Variants in SGMS2 observed in about 807,000 individuals in gnomAD.
SGMS2 encodes the protein sphingomyelin synthase 2.
A neutral mutation model predicts 43.8 loss-of-function variants in SGMS2; 21 were observed. The observed-to-expected ratio is 0.48, with a 90% CI of 0.34 to 0.69. SGMS2 has a LOEUF of 0.69. Among genes scored for constraint, SGMS2 ranks in the 30% least tolerant of loss-of-function variants. The pLI, the probability that SGMS2 is intolerant of heterozygous loss-of-function variation, is 0.01. For synonymous variants in SGMS2, 167 were observed against 160.6 expected (o/e 1.04, Z -0.30); for missense variants, 384 against 443.2 (o/e 0.87, Z 1.20).
rs1731265156 is a variant in SGMS2, at chr4:107,903,144, T to G, written c.574-89T>G. On this transcript the variant is annotated intron_variant, in intron 4 of 6. Transcript: ENST00000690982. ...TAAAAAGAAAAAAAAAATCACAACC[T>G]GGTGTCCTTTCTAAGAGTCACACAA... The G allele has an allele frequency of 2.4e-6, 3 of 1,269,334 alleles. No individual in the cohort carries two copies. The Admixed American group carries it at 5.1e-5, about 22-fold the overall frequency. The allele number at this position is 1,269,334 out of a possible 1,614,324, so 78.6% of individuals were successfully genotyped here.
In SGMS2 at chr4:107,881,927, T is replaced by C. The variant is rs375228875; in HGVS notation, c.-244-13383T>C. The stretch of plus-strand genomic sequence containing the variant: ...ATAATGTTTTCCAGTTCCATCCATA[T>C]TGCAAATGATGACATCCTATTCTTT... On this transcript the variant is annotated intron_variant, in intron 2 of 6. Coordinates refer to ENST00000690982, the MANE Select transcript of SGMS2 (RefSeq NM_001375905.1). Among the ~76,000 whole-genome samples, 9 of 152,334 alleles carry C rather than the reference T, an allele frequency of 5.9e-5. No individual in the cohort carries two copies. The South Asian group carries it at 1.9e-3, about 32-fold the overall frequency.
At chr4:107,873,498 A>G (rs1479596017) in intron 2 of SGMS2, 1 of 152,100 alleles carries the variant, frequency 6.6e-6, no homozygotes, top group East Asian at 1.9e-4. Flanking sequence ...AAACTGACTT[A>G]ATGTGCAAAG....
intron 1 of SGMS2, among the ~76,000 whole-genome samples, chr4:107,847,972 A>G (rs1009586035): frequency 1.1e-4 from 16 of 152,136 alleles, no homozygotes; most frequent in African/African-American, 3.4e-4. Flanking sequence ...TATATTGTAC[A>G]TTCTGTGGGT....
intron 2 of SGMS2, among the ~76,000 whole-genome samples, chr4:107,888,008 T>C (rs927857926): frequency 1.5e-4 from 23 of 152,216 alleles, no homozygotes; most frequent in African/African-American, 5.3e-4. Context: ...AGTGTGTCTT[T>C]GACATTGATA....
intron 4 of SGMS2, 53 bp downstream of exon 4, chr4:107,899,745 C>A: frequency 8.2e-7 from 1 of 1,220,836 alleles, no homozygotes; most frequent in Non-Finnish European, 1.2e-6. Flanking sequence ...AGTTATTGAT[C>A]ACTTACCCTG....
intron 2 of SGMS2, among the ~76,000 whole-genome samples, chr4:107,881,436 C>T (rs557408627): frequency 4.0e-5 from 6 of 151,874 alleles, no homozygotes; most frequent in Admixed American, 6.6e-5. Context: ...CCTTGGGCAA[C>T]GTACATCATC....
Position 107,910,615 on chromosome 4 carries a change from G to GT in SGMS2, c.*66dup. On this transcript the variant is annotated 3_prime_UTR_variant, in exon 7 of 7. Transcript: ENST00000690982. ...AGTTAACGCTGTAACCAAAGGTATAGTTTTGTTTTTTATTTTAGGAGAACT... is the reference window on the plus strand; with the variant it reads ...AGTTAACGCTGTAACCAAAGGTATAGTTTTTGTTTTTTATTTTAGGAGAACT... 6.6e-7 allele frequency: 1 copy of GT among 1,506,670 alleles called. No individual in the cohort carries two copies. Among genetic ancestry groups the GT allele is most frequent in the Non-Finnish European group, 9.0e-7 (1 of 1,115,490 alleles). The allele number at this position is 1,506,670 out of a possible 1,614,324, so 93.3% of individuals were successfully genotyped here. A position where few individuals can be genotyped will look rare whatever the true frequency, so the allele number is the denominator to read the frequency against.
At chr4:107,907,071 C>T (rs1414222103) in intron 5 of SGMS2, 1 of 152,100 alleles carries the variant, frequency 6.6e-6, no homozygotes, top group East Asian at 1.9e-4. Flanking sequence ...GATCTGGCTC[C>T]TAAGACTGCA....
intron 4 of SGMS2, among the ~76,000 whole-genome samples, chr4:107,901,891 C>G (rs1028192034): frequency 6.6e-6 from 1 of 151,788 alleles, no homozygotes; most frequent in African/African-American, 2.4e-5. Context: ...TGGCCAAACA[C>G]TTACCTCCTT....
intron 1 of SGMS2, among the ~76,000 whole-genome samples, chr4:107,851,178 G>C (rs1374310023): frequency 6.6e-6 from 1 of 152,214 alleles, no homozygotes; most frequent in Non-Finnish European, 1.5e-5. Context: ...AATATTGGAA[G>C]CCTGCAGGGT....
chr4:107,857,970 G>A (rs1389332971), intron 1 of SGMS2, among the ~76,000 whole-genome samples: 7 of 152,074 alleles, frequency 4.6e-5, no homozygotes, highest in South Asian at 2.1e-4. Flanking sequence ...CAGCCCAGCC[G>A]TTCCCTCTGC....
intron 1 of SGMS2, among the ~76,000 whole-genome samples, chr4:107,832,043 GTCTT>G (rs1272033640): frequency 2.0e-5 from 3 of 152,110 alleles, no homozygotes; most frequent in African/African-American, 7.2e-5. Flanking sequence ...AGTGCTGTGC[GTCTT>G]TCTTTAGGAG....
intron 5 of SGMS2, among the ~76,000 whole-genome samples, chr4:107,905,167 T>C (rs987298028): frequency 7.9e-5 from 12 of 152,216 alleles, no homozygotes; most frequent in African/African-American, 2.7e-4. Flanking sequence ...AGTGGTTTAG[T>C]GGACTCACAG....
chr4:107,827,190 A>G (rs1361516804), intron 1 of SGMS2, among the ~76,000 whole-genome samples: 1 of 152,254 alleles, frequency 6.6e-6, no homozygotes, highest in Non-Finnish European at 1.5e-5. Flanking sequence ...TAGACTAAAC[A>G]ATGACTTACC....
chr4:107,830,619 C>A (rs961623982), intron 1 of SGMS2, among the ~76,000 whole-genome samples: 1 of 152,082 alleles, frequency 6.6e-6, no homozygotes, highest in African/African-American at 2.4e-5. Context: ...TTGCATTTCT[C>A]TAGTAATTAA....
At chr4:107,855,753 G>A (rs373537339) in intron 1 of SGMS2, among the ~76,000 whole-genome samples, 10 of 152,078 alleles carry the variant, frequency 6.6e-5, no homozygotes, top group Admixed American at 2.0e-4. Context: ...GATTTTCTGC[G>A]TGGATGATCT....
chr4:107,867,028 T>C (rs1457216669), intron 2 of SGMS2: 1 of 152,148 alleles, frequency 6.6e-6, no homozygotes, highest in Non-Finnish European at 1.5e-5. Context: ...TCTTTAGCCA[T>C]GGAACCCAGA....
intron 1 of SGMS2, among the ~76,000 whole-genome samples, chr4:107,840,903 G>A (rs1726463014): frequency 1.3e-5 from 2 of 152,160 alleles, no homozygotes; most frequent in African/African-American, 2.4e-5. Context: ...ATCAAGGTTG[G>A]TGAAGGTAAG....
At chr4:107,865,871 C>A (rs1161294096) in intron 2 of SGMS2, among the ~76,000 whole-genome samples, 1 of 152,146 alleles carries the variant, frequency 6.6e-6, no homozygotes, top group Non-Finnish European at 1.5e-5. Context: ...ATGGGTGATT[C>A]TTCCATGAAT....
Sources: allele counts gnomAD v4.1 joint callset (sites outside exome capture counted in the v4.1 genomes callset), GRCh38; gene constraint gnomAD v4.1.1; transcripts MANE v1.5; gene names NCBI Gene and HGNC (gene_info 2026-07-23, HGNC 2026-07-21).